The following TSHZ2 variants were observed in gnomAD, a reference collection of about 807,000 sequenced individuals.
TSHZ2 encodes teashirt homolog 2.
TSHZ2 carries 21 observed loss-of-function variants against 74.4 expected under a neutral mutation model. The ratio of observed to expected loss-of-function variants is 0.28; its 90% CI spans 0.20 to 0.41. TSHZ2 has a LOEUF of 0.41. TSHZ2 is among the 10% of genes least tolerant of loss of function. TSHZ2 has a pLI of 1.00. For missense variants in TSHZ2, 1,244 were observed against 1,293.5 expected (o/e 0.96, Z 0.59); for synonymous variants, 540 against 515.3 (o/e 1.05, Z -0.65).
intron 1 of TSHZ2, among the ~76,000 whole-genome samples, chr20:53,091,314 G>A (rs1985879415): frequency 6.6e-6 from 1 of 152,178 alleles, no homozygotes; most frequent in Non-Finnish European, 1.5e-5. Context: ...CATCTATGCT[G>A]AGCATTATAA....
intron 2 of TSHZ2, among the ~76,000 whole-genome samples, chr20:53,455,932 T>C (rs542839823): frequency 5.9e-5 from 9 of 151,778 alleles, no homozygotes; most frequent in Admixed American, 5.9e-4. Flanking sequence ...GGTGTATATG[T>C]GCCACATTTT....
At chr20:53,359,256 TG>T (rs1980964618) in intron 2 of TSHZ2, among the ~76,000 whole-genome samples, 1 of 152,168 alleles carries the variant, frequency 6.6e-6, no homozygotes, top group African/African-American at 2.4e-5. Flanking sequence ...GGGTGAAAAC[TG>T]TCTAGGGTCA....
intron 1 of TSHZ2, among the ~76,000 whole-genome samples, chr20:53,179,950 C>CA (rs1329188907): frequency 1.3e-5 from 2 of 152,154 alleles, no homozygotes; most frequent in Non-Finnish European, 2.9e-5. Context: ...ACTGTAAGAT[C>CA]ACGTGATGTT....
chr20:53,268,590 G>C (rs1990766161), intron 2 of TSHZ2, among the ~76,000 whole-genome samples: 1 of 152,146 alleles, frequency 6.6e-6, no homozygotes, highest in Non-Finnish European at 1.5e-5. Context: ...TGAGTCTTGG[G>C]GTAGGCCTCA....
At chr20:53,396,556 G>C (rs376536668) in intron 2 of TSHZ2, among the ~76,000 whole-genome samples, 16 of 152,062 alleles carry the variant, frequency 1.1e-4, no homozygotes, top group African/African-American at 3.9e-4. Context: ...AGTTAAAAAA[G>C]AGAGAGAGAC....
At chr20:53,186,970 C>T (rs1246127236) in intron 1 of TSHZ2, among the ~76,000 whole-genome samples, 6 of 152,084 alleles carry the variant, frequency 3.9e-5, no homozygotes, top group Non-Finnish European at 8.8e-5. Flanking sequence ...CTTAATTACA[C>T]TTCTGCCATT....
At chr20:53,139,238 G>A (rs755165253) in intron 1 of TSHZ2, among the ~76,000 whole-genome samples, 33 of 152,216 alleles carry the variant, frequency 2.2e-4, no homozygotes, top group Non-Finnish European at 4.4e-4. Context: ...CCAGAGCAGA[G>A]ACTAAGGCTA....
intron 1 of TSHZ2, among the ~76,000 whole-genome samples, chr20:53,241,612 C>T (rs1990072957): frequency 6.6e-6 from 1 of 152,014 alleles, no homozygotes; most frequent in African/African-American, 2.4e-5. Context: ...CTGAGAAATC[C>T]AGCTCCATAA....
At chr20:52,998,247 C>A (rs1459071724) in intron 1 of TSHZ2, among the ~76,000 whole-genome samples, 1 of 152,206 alleles carries the variant, frequency 6.6e-6, no homozygotes, top group African/African-American at 2.4e-5. Flanking sequence ...TGGCTCACTG[C>A]AGCCTCTGTC....
At chr20:53,004,574 A>G (rs1415048247) in intron 1 of TSHZ2, among the ~76,000 whole-genome samples, 1 of 152,204 alleles carries the variant, frequency 6.6e-6, no homozygotes, top group Non-Finnish European at 1.5e-5. Context: ...CCTGCCGGGA[A>G]AAGCATAAAA....
intron 2 of TSHZ2, among the ~76,000 whole-genome samples, chr20:53,313,668 G>C (rs531954421): frequency 6.6e-6 from 1 of 152,294 alleles, no homozygotes; most frequent in African/African-American, 2.4e-5. Flanking sequence ...CAGAAACCCT[G>C]GGTTATTTTC....
chr20:52,973,434 C>CG, intron 1 of TSHZ2, 101 bp downstream of exon 1: 1 of 1,463,196 alleles, frequency 6.8e-7, no homozygotes, highest in Non-Finnish European at 9.2e-7. Flanking sequence ...CTTAAGCTTT[C>CG]GGGGGAGTTT....
At chr20:53,097,550 C>T (rs938857970) in intron 1 of TSHZ2, 2 of 152,306 alleles carry the variant, frequency 1.3e-5, no homozygotes, top group African/African-American at 4.8e-5. Context: ...CAGTTAGTTA[C>T]TTAAAATGTG....
chr20:53,098,798 A>T (rs1039883458), intron 1 of TSHZ2, among the ~76,000 whole-genome samples: 1 of 152,184 alleles, frequency 6.6e-6, no homozygotes, highest in African/African-American at 2.4e-5. Context: ...TTTATTGCAG[A>T]CTTATTCCTG....
intron 2 of TSHZ2, among the ~76,000 whole-genome samples, chr20:53,388,875 A>G (rs552324594): frequency 1.5e-3 from 235 of 151,838 alleles, no homozygotes; most frequent in Non-Finnish European, 2.6e-3. Context: ...GAGCCACCAC[A>G]CCCGGCTGCC....
In TSHZ2 at chr20:53,253,518, G is replaced by C; in HGVS notation, c.60G>C (p.Gln20His). ...TTGCAGGCTACGCCCAGGAGGAACA[G>C]CTGAAAGAAGAGGAGGAAATAAAAG... is the stretch of plus-strand genomic sequence containing the variant. The part of the protein sequence containing the change: ...KRAAGYAQEE[Q>H]LKEEEEIKEE... The change falls in exon 2 of 3, where the codon CAG becomes CAC. Residue 20 changes from glutamine (Q) to histidine (H), a missense_variant. This residue lies in a region of TSHZ2 where 470 missense variants were observed against 456.5 expected (regional missense o/e 1.03). Transcript: ENST00000371497. 6.2e-7 allele frequency: 1 copy of C among 1,610,970 alleles called. No homozygotes were observed. The highest frequency in any genetic ancestry group is 1.3e-5 in the African/African-American group (1 of 74,968).
At chr20:53,184,476 A>G (rs1423581118) in intron 1 of TSHZ2, among the ~76,000 whole-genome samples, 1 of 152,234 alleles carries the variant, frequency 6.6e-6, no homozygotes. Flanking sequence ...TGACAGAAGC[A>G]AAATGTGAAT....
intron 2 of TSHZ2, among the ~76,000 whole-genome samples, chr20:53,373,727 A>G (rs1467161504): frequency 6.6e-6 from 1 of 152,206 alleles, no homozygotes; most frequent in Non-Finnish European, 1.5e-5. Flanking sequence ...TGTTATTACA[A>G]TTCTGAATGA....
chr20:53,081,357 C>T (rs188557285), intron 1 of TSHZ2, among the ~76,000 whole-genome samples: 1 of 152,276 alleles, frequency 6.6e-6, no homozygotes, highest in Non-Finnish European at 1.5e-5. Flanking sequence ...AATTTTGCTC[C>T]AAAATGGTGG....
Sources: allele counts gnomAD v4.1 joint callset (sites outside exome capture counted in the v4.1 genomes callset), GRCh38; gene constraint gnomAD v4.1.1; regional missense constraint gnomAD v4.1.1; transcripts MANE v1.5; gene names NCBI Gene and HGNC (gene_info 2026-07-23, HGNC 2026-07-21).